C1orf116: variants seen among roughly 807,000 people sequenced by gnomAD.
C1orf116 encodes specifically androgen-regulated gene protein.
A neutral mutation model predicts 14.1 loss-of-function variants in C1orf116; 12 were observed. The observed-to-expected ratio is 0.85, with a 90% CI of 0.54 to 1.38. The LOEUF (loss-of-function observed/expected upper bound fraction) is 1.38. C1orf116 is among the 40% of genes most tolerant of loss of function. The pLI is 0.00. For missense variants in C1orf116, 797 were observed against 747.0 expected, an observed-to-expected ratio of 1.07 and a Z score of -0.78; for synonymous variants, 296 against 299.0, an observed-to-expected ratio of 0.99 and a Z score of 0.10.
Position 207,022,144 on chromosome 1 carries a change from T to G in C1orf116, c.1620A>C (p.Ala540=). 1 of 1,613,168 alleles carries G rather than the reference T, an allele frequency of 6.2e-7. No individual in the cohort carries two copies. Among genetic ancestry groups the G allele is most frequent in the Non-Finnish European group, 8.5e-7 (1 of 1,179,226 alleles). ...PASLGTGKDF[A]GIQVGKLADL... ...CAGCCAGCTTGCCTACCTGGATACC[T>G]GCAAAATCTTTCCCCGTGCCCAGGG... The change falls in exon 4 of 4, where the codon GCA becomes GCC. Residue 540 remains alanine (A), a synonymous_variant. Transcript: ENST00000359470.
chr1:207,028,997 T>A (rs2102304918), intron 1 of C1orf116, among the ~76,000 whole-genome samples: 1 of 152,356 alleles, frequency 6.6e-6, no homozygotes, highest in Non-Finnish European at 1.5e-5. Context: ...CTATTTGAGA[T>A]CTGGAGGCTT....
chr1:207,030,296 C>T (rs1177356098), intron 1 of C1orf116, among the ~76,000 whole-genome samples: 1 of 152,160 alleles, frequency 6.6e-6, no homozygotes, highest in Admixed American at 6.5e-5. Flanking sequence ...TACAGGGCAG[C>T]CCTCCACAGG....
At position 207,022,046 on chromosome 1, in the gene C1orf116, G is replaced by T. The variant is rs141737723; in HGVS notation, c.1718C>A (p.Pro573His). ...GQSRDKLPRP[P>H]CVSVKISPKG... is the part of the protein sequence containing the mutation. ...TGGGGAGATCTTGACACTGACACAG[G>T]GGGGGCGAGGAAGCTTGTCACGGCT... Residue 573 changes from proline (P) to histidine (H), a missense_variant, in exon 4 of 4, where the codon CCC becomes CAC. Physicochemically the swap from Pro to His is moderately conservative, Grantham distance 77. Coordinates refer to ENST00000359470, the MANE Select transcript of C1orf116 (RefSeq NM_023938.6). The T allele has an allele frequency of 1.8e-5, 29 of 1,602,708 alleles. No individual in the cohort carries two copies. Among genetic ancestry groups the T allele is most frequent in the Middle Eastern group, 3.3e-4 (2 of 6,004 alleles).
Position 207,027,588 on chromosome 1 carries a change from C to G in C1orf116, c.11G>C (p.Arg4Thr), listed in dbSNP as rs1682120647. MPE[R>T]ELWPAGTGSE... is the part of the protein sequence containing the mutation. ...GCCAGTCCCCGCTGGCCACAGCTCC[C>G]TCTCGGGCATCACCCGAAACAAGGT... is the stretch of plus-strand genomic sequence containing the variant. Residue 4 changes from arginine to threonine, a missense_variant, in exon 2 of 4, where the codon AGG becomes ACG. Coordinates refer to ENST00000359470, the MANE Select transcript of C1orf116 (RefSeq NM_023938.6). 1 of 1,612,728 alleles carries G rather than the reference C, an allele frequency of 6.2e-7. No individual in the cohort carries two copies. Among genetic ancestry groups the G allele is most frequent in the African/African-American group, 1.3e-5 (1 of 75,082 alleles).
chr1:207,024,773 C>T, intron 3 of C1orf116, 114 bp downstream of exon 3: 1 of 1,318,554 alleles, frequency 7.6e-7, no homozygotes, highest in Non-Finnish European at 1.1e-6. Flanking sequence ...GTGGCTACAC[C>T]TTCTTCTGCC....
chr1:207,029,209 A>G (rs1338685017), intron 1 of C1orf116, among the ~76,000 whole-genome samples: 1 of 151,890 alleles, frequency 6.6e-6, no homozygotes. Flanking sequence ...CACTGGGGGG[A>G]AAACAGGAGA....
chr1:207,021,967 C>T lies in C1orf116; in HGVS notation c.1797G>A (p.Leu599=), dbSNP rs1186730370. 6.6e-7 allele frequency: 1 copy of T among 1,525,294 alleles called. No homozygotes were observed. The highest frequency in any genetic ancestry group is 1.4e-5 in the African/African-American group (1 of 71,986). 94.5% of individuals were successfully genotyped at this position (1,525,294 alleles called of 1,614,324 possible). The change falls in exon 4 of 4, where the codon TTG becomes TTA. Residue 599 remains leucine (L), a synonymous_variant. Coordinates refer to ENST00000359470, the MANE Select transcript of C1orf116 (RefSeq NM_023938.6). ...GTACTGGTCGCAGAGTCTACTCCTT[C>T]AACAGTCCCAGCTTCTTCAGGGCCT... is the stretch of plus-strand genomic sequence containing the variant. ...RREALKKLGL[L]KE is the part of the protein sequence containing the mutation.
rs1682097582 is a variant in C1orf116 at position 207,026,978 on chromosome 1, G to GT, written c.105+515dup. 2.6e-5 allele frequency among the ~76,000 whole-genome samples: 4 copies of GT among 152,282 alleles called. No individual in the cohort carries two copies. In the South Asian group the frequency reaches 8.3e-4, roughly 32 times the overall value. On this transcript the variant is annotated intron_variant, in intron 2 of 3. Transcript: ENST00000359470. Reference sequence around the variant, plus strand: ...AAATTGAATTGGGTATGAACACTAAGTATCCCATTTGAAAACTGAGGAGGC... The same window carrying GT: ...AAATTGAATTGGGTATGAACACTAAGTTATCCCATTTGAAAACTGAGGAGGC...
intron 1 of C1orf116, among the ~76,000 whole-genome samples, chr1:207,028,725 G>A (rs1682156473): frequency 6.6e-6 from 1 of 152,196 alleles, no homozygotes; most frequent in Admixed American, 6.5e-5. Flanking sequence ...AAGTCCCAAG[G>A]ATTTTGATGT....
Position 207,023,143 on chromosome 1 carries a change from G to A in C1orf116, c.621C>T (p.Thr207=), listed in dbSNP as rs752709079. Residue 207 remains threonine (T), a synonymous_variant, in exon 4 of 4, where the codon ACC becomes ACT. Coordinates refer to ENST00000359470, the MANE Select transcript of C1orf116 (RefSeq NM_023938.6). ...TGGCTTCCCTACACTGCTCTGGCTGGGTGTCCCGGAAAGCTTCTGGCGGAG... is the reference window on the plus strand; with the variant it reads ...TGGCTTCCCTACACTGCTCTGGCTGAGTGTCCCGGAAAGCTTCTGGCGGAG... ...LIPPPEAFRD[T]QPEQCREASL... 2.5e-6 allele frequency: 4 copies of A among 1,612,084 alleles called. No individual in the cohort carries two copies. The highest frequency in any genetic ancestry group is 3.4e-6 in the Non-Finnish European group (4 of 1,179,168).
In C1orf116 at chr1:207,023,130, A is replaced by C. The variant is rs1337269728; in HGVS notation, c.634T>G (p.Cys212Gly). 6.2e-7 allele frequency: 1 copy of C among 1,612,764 alleles called. No individual in the cohort carries two copies. Among genetic ancestry groups the C allele is most frequent in the South Asian group, 1.1e-5 (1 of 91,020 alleles). Residue 212 changes from cysteine (C) to glycine (G), a missense_variant, in exon 4 of 4, where the codon TGT (cysteine) becomes GGT (glycine). By Grantham distance (159) the Cys-to-Gly change is radical. Transcript: ENST00000359470. ...EAFRDTQPEQCREASLPEGPG... is the reference protein window; with the variant it reads ...EAFRDTQPEQGREASLPEGPG... Reference sequence around the variant, plus strand: ...CCCTCGGGCAGGCTGGCTTCCCTACACTGCTCTGGCTGGGTGTCCCGGAAA... The same window carrying C: ...CCCTCGGGCAGGCTGGCTTCCCTACCCTGCTCTGGCTGGGTGTCCCGGAAA...
chr1:207,027,526 T>C lies in C1orf116; in HGVS notation c.73A>G (p.Met25Val), dbSNP rs760825627. 1.9e-6 allele frequency: 3 copies of C among 1,613,912 alleles called. No homozygotes were observed. In the South Asian group the frequency reaches 3.3e-5, roughly 18 times the overall value. ...GAGCGGGTGGAGGTGCTGCTCATCA[T>C]GCTGTCACAGCTGCCGACACGGGTC... ...PVTRVGSCDS[M>V]MSSTSTRSGS... Residue 25 changes from methionine to valine, a missense_variant, in exon 2 of 4, where the codon ATG (methionine) becomes GTG (valine). By Grantham distance (21) the Met-to-Val change is conservative (BLOSUM62 1). Transcript: ENST00000359470.
intron 2 of C1orf116, among the ~76,000 whole-genome samples, chr1:207,027,225 C>G (rs1203392412): frequency 6.6e-6 from 1 of 152,230 alleles, no homozygotes; most frequent in Non-Finnish European, 1.5e-5. Context: ...CAGGCCTACT[C>G]TCTCTGCTCA....
intron 1 of C1orf116, among the ~76,000 whole-genome samples, chr1:207,030,785 C>T (rs182087773): frequency 5.8e-4 from 89 of 152,290 alleles, no homozygotes; most frequent in South Asian, 2.5e-3. Context: ...TAACCCTTGA[C>T]CTCTTTGGGA....
rs1409909955 is a variant in C1orf116 at position 207,022,579 on chromosome 1, A to T, written c.1185T>A (p.Ala395=). The change falls in exon 4 of 4, where the codon GCT becomes GCA. Residue 395 remains alanine, a synonymous_variant. Transcript: ENST00000359470. ...GAATAGCTGCTGAGGCCTGGGCTGG[A>T]GCTGCAGGCTGAGCCAGACCTGGAG... ...SPAPGLAQPA[A]PAQASAAIPA... is the part of the protein sequence containing the mutation. The T allele has an allele frequency of 6.2e-7, 1 of 1,613,924 alleles. No homozygotes were observed. The highest frequency in any genetic ancestry group is 2.2e-5 in the East Asian group (1 of 44,880).
rs139119607 is a variant in C1orf116, at chr1:207,022,691, T to G, written c.1073A>C (p.Gln358Pro). ...KEALEKLGLPQDQDEPGLHLS... is the reference protein window; with the variant it reads ...KEALEKLGLPPDQDEPGLHLS... The stretch of plus-strand genomic sequence containing the variant: ...GTGGAGTCCAGGCTCATCTTGATCC[T>G]GGGGTAGCCCCAGCTTCTCTAGAGC... The change falls in exon 4 of 4, where the codon CAG (glutamine) becomes CCG (proline). Residue 358 changes from glutamine to proline, a missense_variant. By Grantham distance (76) the Gln-to-Pro change is moderately conservative. Coordinates refer to ENST00000359470, the MANE Select transcript of C1orf116 (RefSeq NM_023938.6). The G allele has an allele frequency of 4.6e-5, 74 of 1,614,126 alleles. No individual in the cohort carries two copies. In the African/African-American group the frequency reaches 9.3e-4, roughly 20 times the overall value.
intron 1 of C1orf116, among the ~76,000 whole-genome samples, chr1:207,029,186 T>G (rs57835779): frequency 0.094 from 14,234 of 151,460 alleles, 2,152 homozygotes; most frequent in African/African-American, 0.32. Flanking sequence ...GGGGCAGGTA[T>G]GGAGGGGCAG....
At position 207,025,178 on chromosome 1, in the gene C1orf116, G is replaced by A. The variant is rs182342745; in HGVS notation, c.106-114C>T. On this transcript the variant is annotated intron_variant, in intron 2 of 3. Transcript: ENST00000359470. Reference sequence around the variant, plus strand: ...GCGCTCCCTCCGCAGAAACTGGCGGGGCCTGAGAACCACCCTGCAGAGAGG... The same window carrying A: ...GCGCTCCCTCCGCAGAAACTGGCGGAGCCTGAGAACCACCCTGCAGAGAGG... The A allele has an allele frequency of 2.4e-3, 1,921 of 801,596 alleles. 13 individuals are homozygous for A. Among genetic ancestry groups the A allele is most frequent in the Middle Eastern group, 0.011 (29 of 2,758 alleles). 49.7% of individuals were successfully genotyped at this position (801,596 alleles called of 1,614,324 possible).
rs1405110909 is a variant in C1orf116 at position 207,022,574 on chromosome 1, G to A, written c.1190C>T (p.Ala397Val). ...APGLAQPAAP[A>V]QASAAIPAAG... ...AGCAGGAATAGCTGCTGAGGCCTGG[G>A]CTGGAGCTGCAGGCTGAGCCAGACC... is the stretch of plus-strand genomic sequence containing the variant. The change falls in exon 4 of 4, where the codon GCC becomes GTC. Residue 397 changes from alanine to valine, a missense_variant. Coordinates refer to ENST00000359470, the MANE Select transcript of C1orf116 (RefSeq NM_023938.6). The A allele has an allele frequency of 1.2e-5, 20 of 1,613,950 alleles. No individual in the cohort carries two copies. The highest frequency in any genetic ancestry group is 1.6e-5 in the Non-Finnish European group (19 of 1,179,938).
Sources: gnomAD v4.1 joint callset for allele counts (sites outside exome capture counted in the v4.1 genomes callset) on GRCh38, gnomAD v4.1.1 for gene constraint, MANE v1.5 for transcripts, NCBI Gene and HGNC (gene_info 2026-07-23, HGNC 2026-07-21) for gene names.